The following NLGN4X variants were observed in gnomAD, a reference collection of about 807,000 sequenced individuals.
NLGN4X encodes neuroligin-4, X-linked.
Under a neutral mutation model 40.3 loss-of-function variants are expected in NLGN4X, and 3 were observed. The ratio of observed to expected loss-of-function variants is 0.07; its 90% confidence interval spans 0.03 to 0.19. The LOEUF (loss-of-function observed/expected upper bound fraction) is 0.19. Ranked by LOEUF, NLGN4X falls within the 10% of genes least tolerant of loss-of-function variation. The pLI is 1.00. For missense variants in NLGN4X, 382 were observed against 708.3 expected (o/e 0.54, Z 5.23); for synonymous variants, 270 against 306.8 (o/e 0.88, Z 1.25).
intron 2 of NLGN4X, among the ~76,000 whole-genome samples, chrX:6,032,049 C>G (rs2036871922): frequency 9.2e-6 from 1 of 108,511 alleles, no homozygotes; most frequent in Non-Finnish European, 1.9e-5. Context: ...TTCTGAGATA[C>G]TCTTATCTTC....
chrX:6,225,834 C>A (rs1231948453), intron 1 of NLGN4X, among the ~76,000 whole-genome samples: 1 of 99,299 alleles, frequency 1.0e-5, no homozygotes, highest in Non-Finnish European at 2.0e-5. Flanking sequence ...ACCCTACGGG[C>A]AACGGATGCC....
chrX:5,898,863 G>A (rs909402276), intron 5 of NLGN4X, among the ~76,000 whole-genome samples: 4 of 111,825 alleles, frequency 3.6e-5, no homozygotes, highest in African/African-American at 9.8e-5. Context: ...TTCTCCTTGC[G>A]GGCATCAGTT....
intron 2 of NLGN4X, among the ~76,000 whole-genome samples, chrX:6,053,121 C>T (rs2037533300): frequency 9.0e-6 from 1 of 111,677 alleles, no homozygotes; most frequent in African/African-American, 3.3e-5. Context: ...GCTGATGAGA[C>T]AAAGAAATCC....
At chrX:6,128,763 A>G (rs1350680130) in intron 2 of NLGN4X, among the ~76,000 whole-genome samples, 1 of 112,341 alleles carries the variant, frequency 8.9e-6, no homozygotes, top group African/African-American at 3.2e-5. Context: ...AAACTTCAGC[A>G]TCACACAGTA....
At chrX:6,091,956 A>T (rs1602213676) in intron 2 of NLGN4X, among the ~76,000 whole-genome samples, 6 of 88,028 alleles carry the variant, frequency 6.8e-5, no homozygotes, top group South Asian at 5.2e-4. Context: ...TTCTTTTTTT[A>T]CTCCTTCCTT....
In NLGN4X at chrX:5,903,682, G is replaced by A. The variant is rs760772643; in HGVS notation, c.996C>T (p.Thr332=). Reference sequence around the variant, plus strand: ...CGAAGGCTATGTGGTAGGTGGCCGGGGTGATGGTCTGCTGGATGAGCTCCT... The same window carrying A: ...CGAAGGCTATGTGGTAGGTGGCCGGAGTGATGGTCTGCTGGATGAGCTCCT... ...NYKELIQQTI[T]PATYHIAFGP... is the part of the protein sequence containing the mutation. Residue 332 remains threonine, a synonymous_variant, in exon 5 of 6, where the codon ACC becomes ACT. Transcript: ENST00000381095. 1 of 1,212,011 alleles carries A rather than the reference G, an allele frequency of 8.3e-7. No individual in the cohort carries two copies. The highest frequency in any genetic ancestry group is 1.7e-5 in the African/African-American group (1 of 57,816).
chrX:6,204,263 A>G (rs1355363650), intron 1 of NLGN4X, among the ~76,000 whole-genome samples: 1 of 112,284 alleles, frequency 8.9e-6, no homozygotes, highest in East Asian at 2.8e-4. Context: ...AATGAGAAAC[A>G]ATCTGCTGCC....
intron 1 of NLGN4X, among the ~76,000 whole-genome samples, chrX:6,153,818 T>A (rs1240193875): frequency 8.9e-6 from 1 of 112,033 alleles, no homozygotes; most frequent in African/African-American, 3.2e-5. Flanking sequence ...ATCAAAACCC[T>A]CCTCTGCCTA....
intron 2 of NLGN4X, among the ~76,000 whole-genome samples, chrX:6,095,102 CGT>C (rs56285921): frequency 0.041 from 3,605 of 88,201 alleles, 117 homozygotes; most frequent in East Asian, 0.15. Flanking sequence ...TACGTGCGTG[CGT>C]GTGTGTGTGT....
intron 3 of NLGN4X, among the ~76,000 whole-genome samples, chrX:5,925,851 CAT>C (rs774766613): frequency 0.053 from 1,921 of 36,288 alleles, 83 homozygotes; most frequent in African/African-American, 0.1. Context: ...TATACATACA[CAT>C]ATATATATAT....
At chrX:5,962,374 T>C (rs1236011378) in intron 3 of NLGN4X, among the ~76,000 whole-genome samples, 1 of 111,857 alleles carries the variant, frequency 8.9e-6, no homozygotes, top group African/African-American at 3.3e-5. Flanking sequence ...AGTTCTGAGA[T>C]ATTTGGCAGC....
chrX:6,208,648 C>G (rs1424442482), intron 1 of NLGN4X, among the ~76,000 whole-genome samples: 1 of 111,847 alleles, frequency 8.9e-6, no homozygotes, highest in Non-Finnish European at 1.9e-5. Context: ...CATAACAGAG[C>G]TTTTTAACTG....
At chrX:6,032,645 T>C (rs2036899566) in intron 2 of NLGN4X, 1 of 882,267 alleles carries the variant, frequency 1.1e-6, no homozygotes, top group South Asian at 2.5e-5. Context: ...GATAGATAGA[T>C]ATAAAATCAT....
intron 3 of NLGN4X, among the ~76,000 whole-genome samples, chrX:5,981,222 T>C (rs2035378834): frequency 9.0e-6 from 1 of 111,190 alleles, no homozygotes; most frequent in African/African-American, 3.3e-5. Context: ...GACCTAATTA[T>C]CCATGACAGA....
chrX:5,986,228 TAAAC>T (rs199573641), intron 3 of NLGN4X, among the ~76,000 whole-genome samples: 3,394 of 111,624 alleles, frequency 0.03, 137 homozygotes, highest in African/African-American at 0.1. Flanking sequence ...TGGCAAGAAA[TAAAC>T]AAAGTATAAA....
At chrX:6,138,039 G>A (rs183681214) in intron 2 of NLGN4X, among the ~76,000 whole-genome samples, 74 of 111,884 alleles carry the variant, frequency 6.6e-4, no homozygotes, top group Non-Finnish European at 1.2e-3. Flanking sequence ...TTCAGCATCC[G>A]GTGGGAAAAA....
chrX:6,146,659 CT>C lies in NLGN4X; in HGVS notation c.472+4335del, dbSNP rs1418398341. Among the ~76,000 whole-genome samples, 6 of 103,047 alleles carry C rather than the reference CT, an allele frequency of 5.8e-5. No individual in the cohort carries two copies. The Admixed American group carries it at 6.5e-4, about 11-fold the overall frequency. 89.5% of individuals were successfully genotyped at this position (103,047 alleles called of 115,157 possible). On this transcript the variant is annotated intron_variant, in intron 2 of 5. Coordinates refer to ENST00000381095, the MANE Select transcript of NLGN4X (RefSeq NM_181332.3). ...GACACCTTGCATCCAATAATCTGTT[CT>C]TTTTTAATATCTTCCTTTTTCAATT...
chrX:6,223,080 T>C (rs1032302490), intron 1 of NLGN4X, among the ~76,000 whole-genome samples: 2 of 110,901 alleles, frequency 1.8e-5, no homozygotes, highest in African/African-American at 3.3e-5. Context: ...TAATAAGATA[T>C]ATAGTGTATT....
At chrX:6,138,602 T>C (rs971608353) in intron 2 of NLGN4X, among the ~76,000 whole-genome samples, 1 of 111,978 alleles carries the variant, frequency 8.9e-6, no homozygotes, top group Non-Finnish European at 1.9e-5. Context: ...AAAAATGCTC[T>C]GGGTCTTCAA....
Sources: allele counts gnomAD v4.1 joint callset (sites outside exome capture counted in the v4.1 genomes callset), GRCh38; gene constraint gnomAD v4.1.1; transcripts MANE v1.5; gene names NCBI Gene and HGNC (gene_info 2026-07-23, HGNC 2026-07-21).